Variants in ILRUN observed in about 807,000 individuals in gnomAD.
ILRUN encodes protein ILRUN.
In ILRUN, 3 loss-of-function variants were observed where a neutral mutation model predicts 33.8. That is an observed-to-expected ratio of 0.09 (90% CI 0.04 to 0.23). ILRUN has a LOEUF of 0.23. Among genes scored for constraint, ILRUN ranks in the 10% least tolerant of loss-of-function variants. The pLI is 1.00. For synonymous variants in ILRUN, 124 were observed against 138.9 expected (o/e 0.89, Z 0.75); for missense variants, 210 against 375.1 (o/e 0.56, Z 3.64).
chr6:34,596,182 G>A (rs900922879), intron 4 of ILRUN, among the ~76,000 whole-genome samples: 15 of 152,206 alleles, frequency 9.9e-5, no homozygotes, highest in Non-Finnish European at 1.8e-4. Flanking sequence ...GCAAACCAGC[G>A]CCCTTTCCTT....
intron 2 of ILRUN, among the ~76,000 whole-genome samples, chr6:34,648,134 T>C (rs1762595469): frequency 6.6e-6 from 1 of 152,222 alleles, no homozygotes; most frequent in South Asian, 2.1e-4. Flanking sequence ...GTCTCTCCAA[T>C]ATGCAGCAAT....
chr6:34,689,557 C>T (rs1430857191), intron 1 of ILRUN, among the ~76,000 whole-genome samples: 13 of 151,904 alleles, frequency 8.6e-5, no homozygotes, highest in African/African-American at 2.9e-4. Context: ...TTTAAGGAAA[C>T]CAATATTAAT....
chr6:34,682,762 C>A (rs1763394901), intron 1 of ILRUN, among the ~76,000 whole-genome samples: 1 of 152,110 alleles, frequency 6.6e-6, no homozygotes, highest in Admixed American at 6.6e-5. Context: ...ACATGAGCCA[C>A]CACACCCAGC....
intron 1 of ILRUN, among the ~76,000 whole-genome samples, chr6:34,691,376 C>T (rs1445380862): frequency 1.3e-5 from 2 of 152,216 alleles, no homozygotes; most frequent in Non-Finnish European, 2.9e-5. Context: ...TACATACTCA[C>T]TTAGGAACTG....
chr6:34,682,259 T>TTTTTTTTGTTTTG (rs1690427586), intron 1 of ILRUN, among the ~76,000 whole-genome samples: 7 of 54,328 alleles, frequency 1.3e-4, no homozygotes, highest in African/African-American at 9.3e-4. Context: ...CTGTTTTTTT[T>TTTTTTTTGTTTTG]TTTTTTTTTT....
rs544788609 is a variant in ILRUN at position 34,592,067 on chromosome 6, T to G, written c.862-1467A>C. Among the ~76,000 whole-genome samples the G allele has an allele frequency of 1.3e-5, 2 of 152,284 alleles. No individual in the cohort carries two copies. The highest frequency in any genetic ancestry group is 4.1e-4 in the South Asian group (2 of 4,828). On this transcript the variant is annotated intron_variant, in intron 4 of 4. Transcript: ENST00000374023. The surrounding 1 kb of genome is among the most constrained non-coding windows in gnomAD (Gnocchi z 4.0). ...GAACACGCTGGACCATGACGTGTGC[T>G]TCCTCCCCAATCCCTGCTTTTTGTT...
chr6:34,644,835 T>TAAAAGG (rs1197430548), intron 3 of ILRUN, among the ~76,000 whole-genome samples: 1 of 151,418 alleles, frequency 6.6e-6, no homozygotes, highest in Non-Finnish European at 1.5e-5. Flanking sequence ...TTTGGTGAAA[T>TAAAAGG]AAAAGGATAT....
intron 3 of ILRUN, among the ~76,000 whole-genome samples, chr6:34,636,408 A>AT (rs3839632): frequency 0.17 from 26,433 of 151,944 alleles, 2,524 homozygotes; most frequent in African/African-American, 0.24. Context: ...CTAAAGAAAG[A>AT]TTTTTTTTCA....
intron 1 of ILRUN, among the ~76,000 whole-genome samples, chr6:34,671,505 A>G (rs771315098): frequency 7.9e-5 from 12 of 152,256 alleles, no homozygotes; most frequent in Non-Finnish European, 1.5e-4. Context: ...AAAGAAAGTT[A>G]TCTGTATAAT....
At chr6:34,681,721 T>C (rs1207661050) in intron 1 of ILRUN, among the ~76,000 whole-genome samples, 1 of 152,154 alleles carries the variant, frequency 6.6e-6, no homozygotes, top group Non-Finnish European at 1.5e-5. Flanking sequence ...TACTACTAGA[T>C]AGTTTACTTA....
chr6:34,616,230 G>A (rs921042266), intron 3 of ILRUN, among the ~76,000 whole-genome samples: 2 of 152,194 alleles, frequency 1.3e-5, no homozygotes, highest in Non-Finnish European at 2.9e-5. Flanking sequence ...GCCTGGTGAA[G>A]GTCAACAGGA....
chr6:34,680,201 G>A (rs2814945), intron 1 of ILRUN, among the ~76,000 whole-genome samples: 67,837 of 152,028 alleles, frequency 0.45, 17,158 homozygotes, highest in African/African-American at 0.7. Flanking sequence ...AAATGAGGAT[G>A]ACAATATTCA....
intron 1 of ILRUN, among the ~76,000 whole-genome samples, chr6:34,678,315 T>C (rs1237755497): frequency 6.6e-6 from 1 of 152,092 alleles, no homozygotes; most frequent in East Asian, 1.9e-4. Flanking sequence ...TGCTGGGATA[T>C]CAGGCGTGAG....
chr6:34,636,744 T>C (rs1031512585), intron 3 of ILRUN, among the ~76,000 whole-genome samples: 3 of 152,224 alleles, frequency 2.0e-5, no homozygotes, highest in African/African-American at 4.8e-5. Flanking sequence ...ATTAGTTTTA[T>C]AGCATATACT....
At chr6:34,633,972 A>C (rs1333359878) in intron 3 of ILRUN, among the ~76,000 whole-genome samples, 1 of 150,894 alleles carries the variant, frequency 6.6e-6, no homozygotes, top group Non-Finnish European at 1.5e-5. Context: ...TTAAACTAGA[A>C]ACTATTAACA....
intron 3 of ILRUN, among the ~76,000 whole-genome samples, chr6:34,618,257 A>G (rs1478429650): frequency 4.6e-5 from 7 of 152,188 alleles, no homozygotes; most frequent in Non-Finnish European, 8.8e-5. Flanking sequence ...AAGAGGAAAT[A>G]TTATTTCTCC....
Position 34,588,408 on chromosome 6 carries a change from G to T in ILRUN, c.*2157C>A. The T allele has an allele frequency of 2.5e-6, 1 of 396,016 alleles. No individual in the cohort carries two copies. The highest frequency in any genetic ancestry group is 4.4e-6 in the Non-Finnish European group (1 of 224,906). 24.5% of individuals were successfully genotyped at this position (396,016 alleles called of 1,614,324 possible). ...AGAAGAGGAAGTCAGGAAAGCAGGG[G>T]TTGTGAAGCCTCCCACAATCCTGCC... On this transcript the variant is annotated 3_prime_UTR_variant, in exon 5 of 5. Transcript: ENST00000374023.
At chr6:34,637,782 C>G (rs1762392149) in intron 3 of ILRUN, among the ~76,000 whole-genome samples, 1 of 152,206 alleles carries the variant, frequency 6.6e-6, no homozygotes, top group South Asian at 2.1e-4. Context: ...GTTCAAGACC[C>G]ACATATATGC....
intron 3 of ILRUN, among the ~76,000 whole-genome samples, chr6:34,622,689 C>T (rs898556926): frequency 2.0e-5 from 3 of 152,098 alleles, no homozygotes; most frequent in East Asian, 1.9e-4. Flanking sequence ...TAAAACAATA[C>T]GATTCCACAA....
Sources: gnomAD v4.1 joint callset for allele counts (sites outside exome capture counted in the v4.1 genomes callset) on GRCh38, gnomAD v4.1.1 for gene constraint, Gnocchi (gnomAD v3.1) non-coding constraint, MANE v1.5 for transcripts, NCBI Gene and HGNC (gene_info 2026-07-23, HGNC 2026-07-21) for gene names.